Variants in ZNF248 observed in about 807,000 individuals in gnomAD.
The protein encoded by ZNF248 is KRAB protein domain.
ZNF248 carries 20 observed loss-of-function variants against 44.3 expected under a neutral mutation model. The observed-to-expected ratio is 0.45, with a 90% confidence interval of 0.32 to 0.66. The LOEUF is 0.66. ZNF248 is among the 30% of genes least tolerant of loss of function. ZNF248 has a pLI of 0.04. For synonymous variants in ZNF248, 224 were observed against 229.0 expected, an observed-to-expected ratio of 0.98 and a Z score of 0.20; for missense variants, 654 against 677.0, an observed-to-expected ratio of 0.97 and a Z score of 0.38.
At chr10:37,784,377 C>T (rs2047648425) in intron 6 of ZNF248, among the ~76,000 whole-genome samples, 1 of 152,160 alleles carries the variant, frequency 6.6e-6, no homozygotes, top group Non-Finnish European at 1.5e-5. Context: ...TATTAGGCGC[C>T]AGAGCCTTCA....
At chr10:37,790,353 G>A (rs541971679) in intron 6 of ZNF248, among the ~76,000 whole-genome samples, 386 of 152,084 alleles carry the variant, frequency 2.5e-3, no homozygotes, top group Non-Finnish European at 4.7e-3. Flanking sequence ...GCTGAGGCTG[G>A]AAAATCGCTT....
At position 37,812,318 on chromosome 10, in the gene ZNF248, GA is replaced by G. The variant is rs369369110; in HGVS notation, c.330+20706del. On this transcript the variant is annotated intron_variant, in intron 6 of 6. Transcript: ENST00000615949. ...TTAATGTAGACAAAAGTGTCTTTGG[GA>G]AAAAAAAAAGTGCCACAAAGGACAT... Among the ~76,000 whole-genome samples, 737 of 148,200 alleles carry G rather than the reference GA, an allele frequency of 5.0e-3. 12 individuals are homozygous for G. The highest frequency in any genetic ancestry group is 2.9e-3 in the Non-Finnish European group (191 of 66,754).
the ZNF248 span, among the ~76,000 whole-genome samples, chr10:37,765,843 A>G: frequency 0.02 from 3,082 of 152,348 alleles, 57 homozygotes; most frequent in Non-Finnish European, 0.031. Context: ...GGGATCAGGG[A>G]GTTCCCTTTC....
At chr10:37,822,054 G>C (rs551488866) in intron 6 of ZNF248, among the ~76,000 whole-genome samples, 1 of 152,128 alleles carries the variant, frequency 6.6e-6, no homozygotes, top group Non-Finnish European at 1.5e-5. Flanking sequence ...TTCCCCTCCC[G>C]GTGTCGTCAG....
chr10:37,758,831 C>G, the ZNF248 span, among the ~76,000 whole-genome samples: 1 of 152,212 alleles, frequency 6.6e-6, no homozygotes, highest in South Asian at 2.1e-4. Flanking sequence ...TTTGATGTAG[C>G]TTAACTGTAA....
chr10:37,855,287 A>G (rs1488773382), intron 3 of ZNF248, among the ~76,000 whole-genome samples: 1 of 152,202 alleles, frequency 6.6e-6, no homozygotes, highest in South Asian at 2.1e-4. Context: ...CTCGGTTTTA[A>G]TGATTAAATG....
chr10:37,806,877 AC>A (rs2133312208), intron 6 of ZNF248, among the ~76,000 whole-genome samples: 1 of 152,102 alleles, frequency 6.6e-6, no homozygotes, highest in South Asian at 2.1e-4. Flanking sequence ...TACAATCTTA[AC>A]TCTTACATGT....
Position 37,831,197 on chromosome 10 carries a change from CAAGCAT to C in ZNF248, c.*412_*417del. Reference sequence around the variant, plus strand: ...TCATGTTGAGTTCCAATATACAAATCAAGCATACTCAAATTTATATATTTGCATACT... The same window carrying C: ...TCATGTTGAGTTCCAATATACAAATCACTCAAATTTATATATTTGCATACT... On this transcript the variant is annotated 3_prime_UTR_variant, in exon 6 of 6. Coordinates refer to ENST00000395867, the MANE Select transcript of ZNF248 (RefSeq NM_021045.3). 6.5e-7 allele frequency: 1 copy of C among 1,541,192 alleles called. No homozygotes were observed. Among genetic ancestry groups the C allele is most frequent in the East Asian group, 2.5e-5 (1 of 40,650 alleles).
chr10:37,782,636 G>A (rs1357321985), intron 6 of ZNF248, among the ~76,000 whole-genome samples: 1 of 152,050 alleles, frequency 6.6e-6, no homozygotes, highest in Non-Finnish European at 1.5e-5. Context: ...TCTAATGACT[G>A]GTGTCCTTAT....
At chr10:37,822,500 G>C (rs960131282) in intron 6 of ZNF248, among the ~76,000 whole-genome samples, 3 of 151,928 alleles carry the variant, frequency 2.0e-5, no homozygotes, top group African/African-American at 7.3e-5. Context: ...TTCTACAAAG[G>C]GCATGATGGT....
At chr10:37,771,946 C>T (rs2046258742), downstream of ZNF248, among the ~76,000 whole-genome samples, 1 of 152,042 alleles carries the variant, frequency 6.6e-6, no homozygotes, top group Admixed American at 6.6e-5. Flanking sequence ...AGCAACAAAC[C>T]CCTAAGACAT....
intron 5 of ZNF248, among the ~76,000 whole-genome samples, chr10:37,834,493 C>T (rs1188787227): frequency 6.6e-6 from 1 of 152,164 alleles, no homozygotes; most frequent in Non-Finnish European, 1.5e-5. Flanking sequence ...TGAATGATCT[C>T]TCCTAAATCT....
chr10:37,798,536 G>T (rs184859983), intron 6 of ZNF248, among the ~76,000 whole-genome samples: 34 of 152,080 alleles, frequency 2.2e-4, no homozygotes. Context: ...AAAGGACAAG[G>T]TATATAGTGT....
At chr10:37,818,663 G>A in intron 6 of ZNF248, 1 of 522,790 alleles carries the variant, frequency 1.9e-6, no homozygotes, top group East Asian at 4.2e-5. Context: ...CCCCAGCAGG[G>A]CTACTCACAA....
chr10:37,843,079 A>G (rs1438608673), intron 3 of ZNF248, among the ~76,000 whole-genome samples: 1 of 152,184 alleles, frequency 6.6e-6, no homozygotes, highest in Non-Finnish European at 1.5e-5. Flanking sequence ...CTCTGTAAAA[A>G]CATTAGCTGA....
chr10:37,839,902 A>G (rs2058023466), intron 3 of ZNF248, among the ~76,000 whole-genome samples: 1 of 152,226 alleles, frequency 6.6e-6, no homozygotes, highest in African/African-American at 2.4e-5. Flanking sequence ...CACATGTAAC[A>G]TTCACCAACA....
intron 6 of ZNF248, among the ~76,000 whole-genome samples, chr10:37,781,661 G>T (rs2047336485): frequency 2.0e-5 from 3 of 152,206 alleles, no homozygotes; most frequent in Non-Finnish European, 4.4e-5. Flanking sequence ...CCACATTTGG[G>T]AAAGTAACTG....
chr10:37,809,099 T>C (rs558328259), intron 6 of ZNF248, among the ~76,000 whole-genome samples: 22 of 152,306 alleles, frequency 1.4e-4, no homozygotes, highest in African/African-American at 4.8e-4. Context: ...CTGATTTTAG[T>C]AGTTTGAGTC....
At chr10:37,768,280 T>C in the ZNF248 span, among the ~76,000 whole-genome samples, 8 of 152,158 alleles carry the variant, frequency 5.3e-5, no homozygotes, top group African/African-American at 1.7e-4. Flanking sequence ...GCAGACCTAA[T>C]AGACATCTAC....
Sources: gnomAD v4.1 joint callset for allele counts (sites outside exome capture counted in the v4.1 genomes callset) on GRCh38, gnomAD v4.1.1 for gene constraint, MANE v1.5 for transcripts, NCBI Gene and HGNC (gene_info 2026-07-23, HGNC 2026-07-21) for gene names.